Variants in STMN2 observed in about 807,000 individuals in gnomAD.
STMN2 encodes the protein stathmin 2, also known as stathmin-2.
A neutral mutation model predicts 24.1 loss-of-function variants in STMN2; 2 were observed. The observed-to-expected ratio is 0.08, with a 90% CI of 0.03 to 0.26. The LOEUF (loss-of-function observed/expected upper bound fraction) is 0.26, where lower values mean the gene tolerates loss of function less well. STMN2 is among the 10% of genes least tolerant of loss of function. STMN2 has a pLI of 1.00. For missense variants in STMN2, 114 were observed against 213.6 expected (o/e 0.53, Z 2.91); for synonymous variants, 83 against 77.5 (o/e 1.07, Z -0.37).
rs1444111376 is a variant in STMN2, at chr8:79,655,650, T to G, written c.480+588T>G. ...CCTGGTGCCCTTCTCTTCAACAACC[T>G]AAACATATATTCATTCCCATGAGTC... On this transcript the variant is annotated intron_variant, in intron 4 of 4. Transcript: ENST00000220876. Among the ~76,000 whole-genome samples the G allele has an allele frequency of 2.0e-5, 3 of 152,142 alleles. No individual in the cohort carries two copies. In the East Asian group the frequency reaches 5.8e-4, roughly 29 times the overall value.
intron 1 of STMN2, among the ~76,000 whole-genome samples, chr8:79,620,508 C>T (rs2130303849): frequency 6.6e-6 from 1 of 152,174 alleles, no homozygotes; most frequent in Middle Eastern, 3.4e-3. Context: ...AAATGTTCCT[C>T]ACCCTTGGTG....
chr8:79,631,874 GA>G (rs1461844110), intron 1 of STMN2, among the ~76,000 whole-genome samples: 1 of 152,122 alleles, frequency 6.6e-6, no homozygotes, highest in Non-Finnish European at 1.5e-5. Context: ...AATTAAAAAG[GA>G]AATGTTATTT....
intron 1 of STMN2, chr8:79,621,063 C>T (rs1250886963): frequency 3.1e-6 from 3 of 975,330 alleles, no homozygotes; most frequent in Middle Eastern, 5.3e-4. Flanking sequence ...GTCTAAGTCC[C>T]CATCAGCTCT....
At chr8:79,615,695 T>C (rs1398940217) in intron 1 of STMN2, among the ~76,000 whole-genome samples, 1 of 152,180 alleles carries the variant, frequency 6.6e-6, no homozygotes, top group Non-Finnish European at 1.5e-5. Flanking sequence ...ATCTTTTCTT[T>C]TACCAGGAAC....
At chr8:79,653,321 G>A (rs540339319) in intron 3 of STMN2, among the ~76,000 whole-genome samples, 3 of 152,274 alleles carry the variant, frequency 2.0e-5, no homozygotes, top group South Asian at 2.1e-4. Flanking sequence ...AGATTACAGT[G>A]AGCAGAGATC....
At chr8:79,620,906 C>G (rs1809501442) in intron 1 of STMN2, 2 of 944,512 alleles carry the variant, frequency 2.1e-6, no homozygotes, top group Admixed American at 1.2e-4. Context: ...AACAAGCTCC[C>G]AGGTGGTGCT....
At chr8:79,613,680 T>A (rs375468681) in intron 1 of STMN2, 5 of 985,484 alleles carry the variant, frequency 5.1e-6, no homozygotes, top group East Asian at 2.3e-4. Context: ...GGACGTGGAT[T>A]GCTCTTGGTT....
intron 3 of STMN2, among the ~76,000 whole-genome samples, chr8:79,643,309 C>T (rs1472775577): frequency 6.6e-6 from 1 of 151,332 alleles, no homozygotes. Flanking sequence ...GCTTTATTCT[C>T]ATAGTAAAGC....
At chr8:79,640,324 A>G (rs1454267323) in intron 2 of STMN2, among the ~76,000 whole-genome samples, 1 of 152,176 alleles carries the variant, frequency 6.6e-6, no homozygotes, top group African/African-American at 2.4e-5. Flanking sequence ...CGTGAGTTCA[A>G]CTTTATGAAT....
In STMN2 at chr8:79,641,322, A is replaced by T; in HGVS notation, c.116-56A>T. On this transcript the variant is annotated intron_variant, in intron 2 of 4. Coordinates refer to ENST00000220876, the MANE Select transcript of STMN2 (RefSeq NM_007029.4). ...AATTGCTGGAATCTAAATTATTAAA[A>T]TAAACCCATGCTGCAAGCTTTGTAT... The T allele has an allele frequency of 1.9e-6, 3 of 1,558,898 alleles. No homozygotes were observed. In the South Asian group the frequency reaches 3.6e-5, roughly 18 times the overall value.
chr8:79,631,222 C>T (rs1035299532), intron 1 of STMN2, among the ~76,000 whole-genome samples: 7 of 152,174 alleles, frequency 4.6e-5, no homozygotes, highest in African/African-American at 1.7e-4. Flanking sequence ...TTGTCACTAT[C>T]ACTGGTGCTA....
chr8:79,632,392 T>C (rs1383763492), intron 1 of STMN2, among the ~76,000 whole-genome samples: 1 of 152,160 alleles, frequency 6.6e-6, no homozygotes, highest in East Asian at 1.9e-4. Context: ...TGAGGTTGCA[T>C]TTAAATTGAG....
intron 1 of STMN2, among the ~76,000 whole-genome samples, chr8:79,627,495 C>T (rs1051116761): frequency 6.6e-6 from 1 of 152,112 alleles, no homozygotes; most frequent in South Asian, 2.1e-4. Context: ...AAAGGGAGTT[C>T]CAGATGGCAT....
At chr8:79,645,573 A>G (rs1240338971) in intron 3 of STMN2, among the ~76,000 whole-genome samples, 1 of 152,160 alleles carries the variant, frequency 6.6e-6, no homozygotes, top group African/African-American at 2.4e-5. Context: ...TTTTTCATAT[A>G]TATTCTTTAA....
At chr8:79,616,494 T>C (rs994416399) in intron 1 of STMN2, among the ~76,000 whole-genome samples, 2 of 152,350 alleles carry the variant, frequency 1.3e-5, no homozygotes, top group South Asian at 2.1e-4. Context: ...GATGTGCATA[T>C]GAATTACCTT....
intron 1 of STMN2, among the ~76,000 whole-genome samples, chr8:79,633,041 C>T (rs866427334): frequency 6.6e-6 from 1 of 152,040 alleles, no homozygotes; most frequent in African/African-American, 2.4e-5. Flanking sequence ...TTCCCTTAGC[C>T]GGGTACATAA....
At chr8:79,613,566 C>G in intron 1 of STMN2, 2 of 985,460 alleles carry the variant, frequency 2.0e-6, no homozygotes, top group Non-Finnish European at 2.4e-6. Context: ...CCGCTGCAGG[C>G]TAGTGGCTGC....
chr8:79,637,898 A>G (rs1810003398), intron 2 of STMN2, among the ~76,000 whole-genome samples: 1 of 152,196 alleles, frequency 6.6e-6, no homozygotes, highest in Non-Finnish European at 1.5e-5. Context: ...AAGGACTCAA[A>G]GGCATTTACC....
At chr8:79,625,614 C>T (rs1809632939) in intron 1 of STMN2, among the ~76,000 whole-genome samples, 1 of 152,160 alleles carries the variant, frequency 6.6e-6, no homozygotes, top group Non-Finnish European at 1.5e-5. Flanking sequence ...TAAGGCTCCA[C>T]AACACTTGGC....
Sources: gnomAD v4.1 joint callset for allele counts (sites outside exome capture counted in the v4.1 genomes callset) on GRCh38, gnomAD v4.1.1 for gene constraint, MANE v1.5 for transcripts, NCBI Gene and HGNC (gene_info 2026-07-23, HGNC 2026-07-21) for gene names.